Variants in DAPK1 observed in about 807,000 individuals in gnomAD.
The protein encoded by DAPK1 is death-associated protein kinase 1.
Under a neutral mutation model 144.9 loss-of-function variants are expected in DAPK1, and 56 were observed. That is an observed-to-expected ratio of 0.39 (90% CI 0.31 to 0.48). The LOEUF is 0.48. Ranked by LOEUF, DAPK1 falls within the 20% of genes least tolerant of loss-of-function variation. The probability of loss-of-function intolerance (pLI) is 0.95; values close to 1 mark genes in which losing one functional copy is unlikely to be tolerated. For synonymous variants in DAPK1, 690 were observed against 749.0 expected, an observed-to-expected ratio of 0.92 and a Z score of 1.29; for missense variants, 1,454 against 1,875.4, an observed-to-expected ratio of 0.78 and a Z score of 4.15.
chr9:87,703,333 A>T (rs1825523388), intron 25 of DAPK1, 116 bp downstream of exon 25: 1 of 626,528 alleles, frequency 1.6e-6, no homozygotes, highest in Non-Finnish European at 2.9e-6. Context: ...GAAATGGTCC[A>T]GCTAACCTAC....
chr9:87,638,734 A>G (rs1020798416), intron 4 of DAPK1, among the ~76,000 whole-genome samples: 5 of 152,206 alleles, frequency 3.3e-5, no homozygotes. Context: ...GAGCTGGGAT[A>G]GGATTTCAGA....
chr9:87,605,474 T>C (rs1828683384), intron 3 of DAPK1, among the ~76,000 whole-genome samples: 1 of 152,196 alleles, frequency 6.6e-6, no homozygotes, highest in Non-Finnish European at 1.5e-5. Context: ...ATCTGTTTTC[T>C]GAGTTTCCTG....
intron 2 of DAPK1, among the ~76,000 whole-genome samples, chr9:87,582,900 G>GAT (rs1182940956): frequency 6.6e-6 from 1 of 151,976 alleles, no homozygotes; most frequent in African/African-American, 2.4e-5. Flanking sequence ...AAGACCTTGA[G>GAT]ATACTGGGTG....
At chr9:87,579,855 A>G (rs1050385790) in intron 2 of DAPK1, among the ~76,000 whole-genome samples, 6 of 152,110 alleles carry the variant, frequency 3.9e-5, no homozygotes, top group African/African-American at 1.2e-4. Flanking sequence ...CATTCCTCCA[A>G]TAAAAATGTA....
chr9:87,632,117 T>C, intron 3 of DAPK1: 1 of 649,266 alleles, frequency 1.5e-6, no homozygotes, highest in Non-Finnish European at 1.9e-6. Flanking sequence ...TATGTATGTG[T>C]GTGTGTATAT....
In DAPK1 at chr9:87,686,609, C is replaced by T. The variant is rs1564070733; in HGVS notation, c.2283C>T (p.Arg761=). The T allele has an allele frequency of 6.2e-7, 1 of 1,606,464 alleles. No homozygotes were observed. Among genetic ancestry groups the T allele is most frequent in the East Asian group, 2.2e-5 (1 of 44,658 alleles). ...PGCENVSVRS[R]SMMFEPGLTK... is the part of the protein sequence containing the mutation. The stretch of plus-strand genomic sequence containing the variant: ...GCGAGAACGTGAGTGTGAGGAGCCG[C>T]AGCATGATGTTCGAGCCGGGTCTTA... Residue 761 remains arginine (R), a synonymous_variant, in exon 21 of 26, where the codon CGC becomes CGT. Transcript: ENST00000408954. The surrounding 1 kb of genome is among the most constrained non-coding windows in gnomAD (Gnocchi z 4.2).
At chr9:87,607,690 A>T (rs1398457444) in intron 3 of DAPK1, among the ~76,000 whole-genome samples, 2 of 152,162 alleles carry the variant, frequency 1.3e-5, no homozygotes, top group African/African-American at 4.8e-5. Flanking sequence ...TAAATCATGT[A>T]ACCAGCAGTC....
intron 17 of DAPK1, among the ~76,000 whole-genome samples, chr9:87,654,246 G>A (rs1040506659): frequency 2.0e-5 from 3 of 152,132 alleles, no homozygotes; most frequent in African/African-American, 7.2e-5. Flanking sequence ...GCAGATTCCT[G>A]TGATTTTGGC....
intron 18 of DAPK1, among the ~76,000 whole-genome samples, chr9:87,667,616 C>T (rs1383814525): frequency 6.6e-6 from 1 of 152,110 alleles, no homozygotes; most frequent in Non-Finnish European, 1.5e-5. Flanking sequence ...TGAGAGGTTG[C>T]TGTTAAGTAG....
At chr9:87,631,237 G>A (rs888983762) in intron 3 of DAPK1, among the ~76,000 whole-genome samples, 3 of 152,124 alleles carry the variant, frequency 2.0e-5, no homozygotes, top group Non-Finnish European at 2.9e-5. Context: ...TAACCAAAGC[G>A]GATCCTAAAT....
chr9:87,573,593 C>T (rs1827443956), intron 2 of DAPK1, among the ~76,000 whole-genome samples: 1 of 152,174 alleles, frequency 6.6e-6, no homozygotes, highest in African/African-American at 2.4e-5. Flanking sequence ...TGCTGTGCCA[C>T]CTCTTCCTGA....
At chr9:87,502,436 C>T (rs1824437541) in intron 2 of DAPK1, among the ~76,000 whole-genome samples, 2 of 152,064 alleles carry the variant, frequency 1.3e-5, no homozygotes, top group African/African-American at 2.4e-5. Flanking sequence ...GCTATTATAC[C>T]GAGGTGTTTT....
chr9:87,661,513 C>T (rs909593127), intron 18 of DAPK1, among the ~76,000 whole-genome samples: 1 of 152,090 alleles, frequency 6.6e-6, no homozygotes, highest in Non-Finnish European at 1.5e-5. Context: ...TAATAATGGC[C>T]ATTCTGATTG....
chr9:87,523,417 C>T (rs1825376096), intron 2 of DAPK1, among the ~76,000 whole-genome samples: 2 of 152,088 alleles, frequency 1.3e-5, no homozygotes, highest in South Asian at 2.1e-4. Flanking sequence ...CCACCTCAGC[C>T]TCCTGAGTAG....
At chr9:87,570,034 G>A (rs1827272461) in intron 2 of DAPK1, among the ~76,000 whole-genome samples, 1 of 152,140 alleles carries the variant, frequency 6.6e-6, no homozygotes, top group African/African-American at 2.4e-5. Context: ...CAAAAGCAAT[G>A]TGTGTTTTTT....
chr9:87,651,383 T>G (rs916329208), intron 16 of DAPK1, 144 bp from the exon 17 acceptor site: 2 of 751,504 alleles, frequency 2.7e-6, no homozygotes, highest in Non-Finnish European at 4.5e-6. Flanking sequence ...GGAGTAAAGT[T>G]TCTTCATTTA....
At chr9:87,646,388 C>A in intron 12 of DAPK1, 73 bp from the exon 13 acceptor site, 1 of 1,086,860 alleles carries the variant, frequency 9.2e-7, no homozygotes, top group Non-Finnish European at 1.4e-6. Context: ...TGTGTGGTAA[C>A]AGCAATCATC....
intron 17 of DAPK1, among the ~76,000 whole-genome samples, chr9:87,655,719 C>T (rs1005748970): frequency 6.6e-6 from 1 of 152,138 alleles, no homozygotes; most frequent in African/African-American, 2.4e-5. Flanking sequence ...GGAGAGTGGC[C>T]GTTTAACTTG....
intron 3 of DAPK1, among the ~76,000 whole-genome samples, chr9:87,620,435 C>G (rs1458547605): frequency 2.0e-5 from 3 of 152,316 alleles, no homozygotes; most frequent in African/African-American, 7.2e-5. Flanking sequence ...GGCTAAAGAA[C>G]AGGCAGCACA....
Sources: gnomAD v4.1 joint callset for allele counts (sites outside exome capture counted in the v4.1 genomes callset) on GRCh38, gnomAD v4.1.1 for gene constraint, Gnocchi (gnomAD v3.1) non-coding constraint, MANE v1.5 for transcripts, NCBI Gene and HGNC (gene_info 2026-07-23, HGNC 2026-07-21) for gene names.